Variants in CACNA2D3 observed in about 807,000 individuals in gnomAD.
The protein encoded by CACNA2D3 is calcium voltage-gated channel auxiliary subunit alpha2delta 3.
CACNA2D3 carries 60 observed loss-of-function variants against 160.6 expected under a neutral mutation model. The observed-to-expected ratio is 0.37, with a 90% CI of 0.30 to 0.46. CACNA2D3 has a LOEUF of 0.46. CACNA2D3 is among the 20% of genes least tolerant of loss of function. The pLI is 1.00. For synonymous variants in CACNA2D3, 558 were observed against 492.9 expected, an observed-to-expected ratio of 1.13 and a Z score of -1.75; for missense variants, 1,205 against 1,365.0, an observed-to-expected ratio of 0.88 and a Z score of 1.85.
intron 27 of CACNA2D3, among the ~76,000 whole-genome samples, chr3:54,952,308 T>G (rs1452017313): frequency 6.6e-6 from 1 of 152,176 alleles, no homozygotes; most frequent in Non-Finnish European, 1.5e-5. Context: ...GGCTCTGATC[T>G]CTCTGGGGCC....
At chr3:54,794,214 C>G (rs980492599) in intron 13 of CACNA2D3, among the ~76,000 whole-genome samples, 1 of 151,876 alleles carries the variant, frequency 6.6e-6, no homozygotes. Flanking sequence ...CACTTCTGAC[C>G]CAATAATAGC....
At chr3:54,343,737 C>T (rs879259816) in intron 3 of CACNA2D3, among the ~76,000 whole-genome samples, 2 of 152,154 alleles carry the variant, frequency 1.3e-5, no homozygotes, top group Admixed American at 6.5e-5. Context: ...CCCTCTACCC[C>T]CCACAGCCCA....
At chr3:54,388,773 A>G (rs555814269) in intron 4 of CACNA2D3, among the ~76,000 whole-genome samples, 3 of 152,346 alleles carry the variant, frequency 2.0e-5, no homozygotes, top group African/African-American at 7.2e-5. Context: ...GTGGGCCAGA[A>G]GGGATTTAAT....
At chr3:54,933,239 G>T (rs1357317750) in intron 27 of CACNA2D3, among the ~76,000 whole-genome samples, 1 of 151,988 alleles carries the variant, frequency 6.6e-6, no homozygotes, top group Non-Finnish European at 1.5e-5. Context: ...GCTTACAATG[G>T]GGCACATAGT....
intron 11 of CACNA2D3, among the ~76,000 whole-genome samples, chr3:54,692,540 C>A (rs1262014334): frequency 1.3e-5 from 2 of 152,180 alleles, no homozygotes; most frequent in African/African-American, 4.8e-5. Flanking sequence ...CTATTCTTTT[C>A]TTTCTTTCTT....
intron 9 of CACNA2D3, among the ~76,000 whole-genome samples, chr3:54,594,009 G>A (rs1702908017): frequency 1.3e-5 from 2 of 152,022 alleles, no homozygotes; most frequent in African/African-American, 4.8e-5. Context: ...GCATTTGTTT[G>A]AAAATAACCA....
chr3:54,712,575 C>A (rs1336202081), intron 11 of CACNA2D3, among the ~76,000 whole-genome samples: 1 of 152,240 alleles, frequency 6.6e-6, no homozygotes, highest in Non-Finnish European at 1.5e-5. Context: ...CTTTCACCTT[C>A]CACCATGATT....
chr3:55,065,942 A>G (rs1704625463), intron 35 of CACNA2D3, among the ~76,000 whole-genome samples: 1 of 152,180 alleles, frequency 6.6e-6, no homozygotes, highest in Non-Finnish European at 1.5e-5. Flanking sequence ...TCATAAGGAG[A>G]AAATATTTGT....
chr3:54,797,662 T>G (rs551004210), intron 13 of CACNA2D3, among the ~76,000 whole-genome samples: 1 of 152,292 alleles, frequency 6.6e-6, no homozygotes, highest in Non-Finnish European at 1.5e-5. Context: ...ATAAAAATAT[T>G]TAAAGCACCT....
intron 2 of CACNA2D3, among the ~76,000 whole-genome samples, chr3:54,290,884 G>C (rs1360794319): frequency 1.3e-5 from 2 of 150,724 alleles, no homozygotes; most frequent in Non-Finnish European, 2.9e-5. Flanking sequence ...ACAGGAAGGG[G>C]AACATTCCAC....
At chr3:54,916,127 A>G (rs1457588130) in intron 27 of CACNA2D3, among the ~76,000 whole-genome samples, 1 of 152,208 alleles carries the variant, frequency 6.6e-6, no homozygotes, top group Non-Finnish European at 1.5e-5. Flanking sequence ...AGTAGCTCTC[A>G]GCTAATGTAA....
intron 9 of CACNA2D3, among the ~76,000 whole-genome samples, chr3:54,610,873 C>T (rs1698737384): frequency 6.6e-6 from 1 of 152,216 alleles, no homozygotes; most frequent in Admixed American, 6.5e-5. Flanking sequence ...AGGTGATCCA[C>T]CCGCCTTGGC....
intron 29 of CACNA2D3, among the ~76,000 whole-genome samples, chr3:54,977,837 G>A (rs1347667130): frequency 6.6e-6 from 1 of 152,178 alleles, no homozygotes. Context: ...CTGAAAACAA[G>A]TTTATTAAGA....
chr3:54,973,548 C>T (rs1702321237), intron 29 of CACNA2D3, among the ~76,000 whole-genome samples: 1 of 152,136 alleles, frequency 6.6e-6, no homozygotes, highest in African/African-American at 2.4e-5. Context: ...TTTTCTAAGG[C>T]TTGTAGGCAT....
chr3:54,269,742 A>G (rs73089645), intron 2 of CACNA2D3, among the ~76,000 whole-genome samples: 22,791 of 152,188 alleles, frequency 0.15, 2,079 homozygotes, highest in South Asian at 0.21. Flanking sequence ...TCTTGGCAAA[A>G]AGGAGGTGGA....
chr3:54,832,571 G>A (rs1703904620), intron 14 of CACNA2D3, among the ~76,000 whole-genome samples: 1 of 152,190 alleles, frequency 6.6e-6, no homozygotes, highest in Admixed American at 6.5e-5. Flanking sequence ...TTGTTAGACT[G>A]GCTTTCAGGA....
intron 2 of CACNA2D3, among the ~76,000 whole-genome samples, chr3:54,206,653 T>C (rs9839121): frequency 0.43 from 65,274 of 151,996 alleles, 16,958 homozygotes; most frequent in East Asian, 0.77. Context: ...TTTGGTATAC[T>C]GGTGAGCTAT....
chr3:55,071,425 T>C (rs1704804081), intron 35 of CACNA2D3, among the ~76,000 whole-genome samples: 1 of 152,216 alleles, frequency 6.6e-6, no homozygotes, highest in Admixed American at 6.5e-5. Context: ...AGGTTTTAAA[T>C]ACTTTTTAAT....
chr3:54,510,732 C>G (rs781376545), intron 5 of CACNA2D3, among the ~76,000 whole-genome samples: 11 of 152,182 alleles, frequency 7.2e-5, no homozygotes, highest in Non-Finnish European at 1.6e-4. Flanking sequence ...GCATTTCACT[C>G]TTGGGCCCTC....
Sources: gnomAD v4.1 joint callset for allele counts (sites outside exome capture counted in the v4.1 genomes callset) on GRCh38, gnomAD v4.1.1 for gene constraint, MANE v1.5 for transcripts, NCBI Gene and HGNC (gene_info 2026-07-23, HGNC 2026-07-21) for gene names.